The following RBKS variants were observed in gnomAD, a reference collection of about 807,000 sequenced individuals.
RBKS encodes ribokinase.
RBKS carries 33 observed loss-of-function variants against 33.9 expected under a neutral mutation model. That is an observed-to-expected ratio of 0.97 (90% CI 0.74 to 1.30). The LOEUF (loss-of-function observed/expected upper bound fraction) is 1.30, where lower values mean the gene tolerates loss of function less well. Ranked by LOEUF, RBKS falls within the 50% of genes most tolerant of loss-of-function variation. RBKS has a pLI of 0.00. For missense variants in RBKS, 361 were observed against 392.6 expected (o/e 0.92, Z 0.68); for synonymous variants, 125 against 143.0 (o/e 0.87, Z 0.90).
intron 6 of RBKS, 25 bp downstream of exon 6, chr2:27,832,661 A>G (rs777274967): frequency 2.0e-6 from 3 of 1,522,548 alleles, no homozygotes; most frequent in East Asian, 2.3e-5. Context: ...TTTCTCATAG[A>G]ATGAGCAAAG....
chr2:27,783,484 GGC>G (rs1677327445), intron 7 of RBKS, among the ~76,000 whole-genome samples: 1 of 152,188 alleles, frequency 6.6e-6, no homozygotes, highest in Admixed American at 6.5e-5. Flanking sequence ...AGCTGGTGAA[GGC>G]CATGGAAACA....
chr2:27,788,694 G>A (rs1476885371), intron 7 of RBKS, among the ~76,000 whole-genome samples: 2 of 151,950 alleles, frequency 1.3e-5, no homozygotes, highest in Non-Finnish European at 1.5e-5. Flanking sequence ...GTAACAGAGC[G>A]AAAAAAACCA....
chr2:27,845,998 G>A (rs932824549), intron 4 of RBKS, among the ~76,000 whole-genome samples: 6 of 151,320 alleles, frequency 4.0e-5, no homozygotes, highest in Non-Finnish European at 5.9e-5. Flanking sequence ...GTCTTGCTCC[G>A]TCGTCGCCCA....
In RBKS at chr2:27,801,992, A is replaced by T. The variant is rs4411654; in HGVS notation, c.796-20204T>A. 7.8e-3 allele frequency among the ~76,000 whole-genome samples: 332 copies of T among 42,674 alleles called. 4 individuals carry two copies. The highest frequency in any genetic ancestry group is 0.018 in the African/African-American group (137 of 7,508). 28.0% of individuals were successfully genotyped at this position (42,674 alleles called of 152,430 possible). ...TATATATATATATATATATATATATATTTTTTTTTTTTTTTTTTTTTTTTT... is the reference window on the plus strand; with the variant it reads ...TATATATATATATATATATATATATTTTTTTTTTTTTTTTTTTTTTTTTTT... On this transcript the variant is annotated intron_variant, in intron 7 of 7. Coordinates refer to ENST00000302188, the MANE Select transcript of RBKS (RefSeq NM_022128.3).
chr2:27,791,518 C>A (rs935397112), intron 7 of RBKS, among the ~76,000 whole-genome samples: 1 of 151,916 alleles, frequency 6.6e-6, no homozygotes, highest in East Asian at 1.9e-4. Flanking sequence ...TGACCTCAGA[C>A]TAAATTGTAC....
rs543254623 is a variant in RBKS at position 27,866,591 on chromosome 2, C to T, written c.90-8020G>A. Among the ~76,000 whole-genome samples the T allele has an allele frequency of 1.1e-3, 174 of 152,196 alleles. 1 individual carries two copies. Among genetic ancestry groups the T allele is most frequent in the Non-Finnish European group, 2.1e-3 (143 of 68,008 alleles). On this transcript the variant is annotated intron_variant, in intron 1 of 7. Coordinates refer to ENST00000302188, the MANE Select transcript of RBKS (RefSeq NM_022128.3). The stretch of plus-strand genomic sequence containing the variant: ...ACACTGTGCATTTTTTTTCTCTGTG[C>T]TTCAGTTTAGATAATCTCTTTTACT...
At chr2:27,885,064 T>C (rs1440365237) in intron 1 of RBKS, among the ~76,000 whole-genome samples, 1 of 152,018 alleles carries the variant, frequency 6.6e-6, no homozygotes, top group Non-Finnish European at 1.5e-5. Flanking sequence ...CCTCCTCAAT[T>C]TGATATCTAG....
chr2:27,814,602 T>C (rs1232211271), intron 7 of RBKS, among the ~76,000 whole-genome samples: 4 of 152,184 alleles, frequency 2.6e-5, no homozygotes, highest in African/African-American at 2.4e-5. Context: ...GAATACTAAA[T>C]GAAGGAAAAA....
Position 27,890,195 on chromosome 2 carries a change from GCATAGCGCAC to G in RBKS, c.89+52_89+61del. ...CCAGCGCCCAAAAGCTCCACTGGGCGCATAGCGCACGGCACGCCTCCTCCCCCGAGCCGCA... is the reference window on the plus strand; with the variant it reads ...CCAGCGCCCAAAAGCTCCACTGGGCGGGCACGCCTCCTCCCCCGAGCCGCA... On this transcript the variant is annotated intron_variant, in intron 1 of 7. Transcript: ENST00000302188. This position sits in a 1 kb window ranked among gnomAD's most constrained non-coding sequence, Gnocchi z 4.8. 1 of 1,510,880 alleles carries G rather than the reference GCATAGCGCAC, an allele frequency of 6.6e-7. No individual in the cohort carries two copies. The highest frequency in any genetic ancestry group is 1.1e-5 in the South Asian group (1 of 88,036). 93.6% of individuals were successfully genotyped at this position (1,510,880 alleles called of 1,614,324 possible).
rs780321086 is a variant in RBKS, at chr2:27,847,066, C to A, written c.325G>T (p.Ala109Ser). Residue 109 changes from alanine (A) to serine (S), a missense_variant, in exon 4 of 8, where the codon GCT becomes TCT. Transcript: ENST00000302188. ...YQTKDAATGTASIIVNNEGQN... is the reference protein window; with the variant it reads ...YQTKDAATGTSSIIVNNEGQN... Reference sequence around the variant, plus strand: ...CCTTCATTATTGACAATTATAGAAGCAGTTCCTGTAGCAGCATCTTTAGTC... The same window carrying A: ...CCTTCATTATTGACAATTATAGAAGAAGTTCCTGTAGCAGCATCTTTAGTC... 12 of 1,606,914 alleles carry A rather than the reference C, an allele frequency of 7.5e-6. No individual in the cohort carries two copies. Among genetic ancestry groups the A allele is most frequent in the African/African-American group, 1.3e-5 (1 of 74,758 alleles).
At chr2:27,864,998 C>A (rs879848466) in intron 1 of RBKS, among the ~76,000 whole-genome samples, 5 of 152,226 alleles carry the variant, frequency 3.3e-5, no homozygotes, top group Admixed American at 6.5e-5. Context: ...CTCCACAGGT[C>A]TTTAACTTCC....
At chr2:27,852,893 C>T (rs1663779602) in intron 2 of RBKS, among the ~76,000 whole-genome samples, 1 of 152,126 alleles carries the variant, frequency 6.6e-6, no homozygotes, top group Non-Finnish European at 1.5e-5. Flanking sequence ...GTTGAGGAGA[C>T]TAAGTTGCAT....
At chr2:27,886,143 C>G (rs1664523300) in intron 1 of RBKS, among the ~76,000 whole-genome samples, 1 of 152,070 alleles carries the variant, frequency 6.6e-6, no homozygotes. Flanking sequence ...CAATTGTTTG[C>G]CATGCTGTAT....
At chr2:27,783,033 T>G (rs1201173877) in intron 7 of RBKS, among the ~76,000 whole-genome samples, 1 of 152,248 alleles carries the variant, frequency 6.6e-6, no homozygotes. Context: ...CAATGCTATA[T>G]TATTTTGTTG....
chr2:27,784,411 T>C (rs1573029027), intron 7 of RBKS, among the ~76,000 whole-genome samples: 2 of 152,172 alleles, frequency 1.3e-5, no homozygotes, highest in African/African-American at 2.4e-5. Context: ...TCAGTCACAG[T>C]TGATGTATTT....
At chr2:27,787,276 A>T (rs552748402) in intron 7 of RBKS, among the ~76,000 whole-genome samples, 1 of 152,122 alleles carries the variant, frequency 6.6e-6, no homozygotes, top group East Asian at 1.9e-4. Context: ...TACAAAAAAC[A>T]TAAAAATTAG....
chr2:27,792,099 G>A (rs1177374013), intron 7 of RBKS, among the ~76,000 whole-genome samples: 1 of 152,170 alleles, frequency 6.6e-6, no homozygotes, highest in Non-Finnish European at 1.5e-5. Flanking sequence ...ACTCCAAAGC[G>A]TGTGGTTGAG....
rs1463608108 is a variant in RBKS, at chr2:27,794,324, A to AATAATAATC, written c.796-12537_796-12536insGATTATTAT. 1.2e-4 allele frequency among the ~76,000 whole-genome samples: 18 copies of AATAATAATC among 146,118 alleles called. No homozygotes were observed. In the East Asian group the frequency reaches 3.5e-3, roughly 29 times the overall value. ...CCCACAAAATAATAATAATAATAAT[A>AATAATAATC]ATAATAATAATAATAATAATAATAA... On this transcript the variant is annotated intron_variant, in intron 7 of 7. Coordinates refer to ENST00000302188, the MANE Select transcript of RBKS (RefSeq NM_022128.3).
rs1392256535 is a variant in RBKS, at chr2:27,827,795, A to T, written c.607-40T>A. 2.0e-6 allele frequency: 3 copies of T among 1,479,296 alleles called. No individual in the cohort carries two copies. The Admixed American group carries it at 8.0e-5, about 39-fold the overall frequency. 91.6% of individuals were successfully genotyped at this position (1,479,296 alleles called of 1,614,324 possible). A position where few individuals can be genotyped will look rare whatever the true frequency, so the allele number is the denominator to read the frequency against. On this transcript the variant is annotated intron_variant, in intron 6 of 7. Coordinates refer to ENST00000302188, the MANE Select transcript of RBKS (RefSeq NM_022128.3). Reference sequence around the variant, plus strand: ...AGTCAACAGAAACAGTGGTGAAAATAAGTAACCTGAATCCACTTCCAGATG... The same window carrying T: ...AGTCAACAGAAACAGTGGTGAAAATTAGTAACCTGAATCCACTTCCAGATG...
Sources: gnomAD v4.1 joint callset for allele counts (sites outside exome capture counted in the v4.1 genomes callset) on GRCh38, gnomAD v4.1.1 for gene constraint, Gnocchi (gnomAD v3.1) non-coding constraint, MANE v1.5 for transcripts, NCBI Gene and HGNC (gene_info 2026-07-23, HGNC 2026-07-21) for gene names.